EIF4A1: variants seen among roughly 807,000 people sequenced by gnomAD.
EIF4A1 encodes eukaryotic translation initiation factor 4A1.
A neutral mutation model predicts 53.5 loss-of-function variants in EIF4A1; 11 were observed. The observed-to-expected ratio is 0.21, with a 90% CI of 0.13 to 0.34. The LOEUF (loss-of-function observed/expected upper bound fraction) is 0.34. Among genes scored for constraint, EIF4A1 ranks in the 10% least tolerant of loss-of-function variants. EIF4A1 has a pLI of 1.00. For synonymous variants in EIF4A1, 237 were observed against 186.7 expected (o/e 1.27, Z -2.20); for missense variants, 213 against 530.8 (o/e 0.40, Z 5.88).
At position 7,577,033 on chromosome 17, in the gene EIF4A1, T is replaced by C. The variant is rs756863159; in HGVS notation, c.515-23T>C. ...CATTTCCCTAATCATATGCTATATA[T>C]TGGCTTTTTTTTTCTTCTCTAGCCC... On this transcript the variant is annotated intron_variant, in intron 5 of 10. Coordinates refer to ENST00000293831, the MANE Select transcript of EIF4A1 (RefSeq NM_001416.4). The surrounding 1 kb of genome is among the most constrained non-coding windows in gnomAD (Gnocchi z 4.7). The C allele has an allele frequency of 3.1e-6, 5 of 1,613,316 alleles. No homozygotes were observed. The highest frequency in any genetic ancestry group is 1.1e-5 in the South Asian group (1 of 90,994).
intron 2 of EIF4A1, 41 bp downstream of exon 2, chr17:7,574,349 A>G (rs1323381944): frequency 2.5e-6 from 4 of 1,613,482 alleles, no homozygotes; most frequent in Admixed American, 1.7e-5. Flanking sequence ...CCCCATTACA[A>G]CTTTCAGCCG....
At position 7,578,128 on chromosome 17, in the gene EIF4A1, C is replaced by G. The variant is rs367667457; in HGVS notation, c.997-37C>G. On this transcript the variant is annotated intron_variant, in intron 9 of 10. Transcript: ENST00000293831. ...TCTTCCCTCCGGGATAGAGTGTCCT[C>G]CGTGCACATGCTGAAGAGTTGTCTT... The G allele has an allele frequency of 4.3e-6, 7 of 1,613,614 alleles. No homozygotes were observed. The African/African-American group carries it at 8.0e-5, about 18-fold the overall frequency.
At chr17:7,573,222 C>G in intron 1 of EIF4A1, 1 of 432,972 alleles carries the variant, frequency 2.3e-6, no homozygotes, top group South Asian at 2.7e-5. Flanking sequence ...GCCGGCAGGT[C>G]CGGTTGCCTC....
intron 4 of EIF4A1, chr17:7,575,859 A>G: frequency 5.5e-6 from 1 of 182,812 alleles, no homozygotes; most frequent in South Asian, 1.0e-4. Context: ...GGACATGGAT[A>G]TGCATCACCT....
chr17:7,573,115 T>A (rs2071346533), intron 1 of EIF4A1: 2 of 614,136 alleles, frequency 3.3e-6, no homozygotes, highest in Non-Finnish European at 5.6e-6. Flanking sequence ...CCCGAGGCGG[T>A]GCCATGCGCG....
Position 7,577,162 on chromosome 17 carries a change from C to G in EIF4A1, c.621C>G (p.Thr207=), listed in dbSNP as rs1458801088. ...YDIFQKLNSN[T]QVVLLSATMP... ...TATTCCAAAAGCTCAACAGCAACACCCAGGTGAGGGCAGTCTTGCTTGAAT... is the reference window on the plus strand; with the variant it reads ...TATTCCAAAAGCTCAACAGCAACACGCAGGTGAGGGCAGTCTTGCTTGAAT... The change falls in exon 6 of 11, where the codon ACC becomes ACG. Residue 207 remains threonine, a synonymous_variant. Transcript: ENST00000293831. The surrounding 1 kb of genome is among the most constrained non-coding windows in gnomAD (Gnocchi z 4.7). 4.4e-6 allele frequency: 7 copies of G among 1,599,074 alleles called. No homozygotes were observed. The highest frequency in any genetic ancestry group is 1.1e-5 in the South Asian group (1 of 88,018).
At position 7,574,795 on chromosome 17, in the gene EIF4A1, C is replaced by A. The variant is rs117610271; in HGVS notation, c.205+117C>A. ...GGGACAAAGCAACTCCTTGTTCATC[C>A]CAGCTTGGCTTTTGATCCGTGCCCA... On this transcript the variant is annotated intron_variant, in intron 3 of 10. Transcript: ENST00000293831. 1.6e-3 allele frequency: 2,471 copies of A among 1,549,648 alleles called. 4 individuals carry two copies. Among genetic ancestry groups the A allele is most frequent in the Non-Finnish European group, 2.0e-3 (2,280 of 1,134,996 alleles).
rs1319579589 is a variant in EIF4A1 at position 7,577,962 on chromosome 17, G to A, written c.996+46G>A. On this transcript the variant is annotated intron_variant, in intron 9 of 10. Transcript: ENST00000293831. This position sits in a 1 kb window ranked among gnomAD's most constrained non-coding sequence, Gnocchi z 4.7. ...GCAAAGGCAGAAGGGAGGATCCAAG[G>A]TGATTCCCTCTCCAAGGGGACATCA... 1 of 1,611,456 alleles carries A rather than the reference G, an allele frequency of 6.2e-7. No homozygotes were observed. Among genetic ancestry groups the A allele is most frequent in the Non-Finnish European group, 8.5e-7 (1 of 1,177,700 alleles).
chr17:7,575,180 G>T lies in EIF4A1; in HGVS notation c.267G>T (p.Ser89=). The T allele has an allele frequency of 6.2e-7, 1 of 1,612,834 alleles. No individual in the cohort carries two copies. Among genetic ancestry groups the T allele is most frequent in the South Asian group, 1.1e-5 (1 of 91,022 alleles). The stretch of plus-strand genomic sequence containing the variant: ...GGAAAACGGCCACATTTGCCATATC[G>T]ATTCTGCAGCAGATTGAATTAGATC... ...GTGKTATFAI[S]ILQQIELDLK... Residue 89 remains serine (S), a synonymous_variant, in exon 4 of 11, where the codon TCG becomes TCT. Coordinates refer to ENST00000293831, the MANE Select transcript of EIF4A1 (RefSeq NM_001416.4).
intron 4 of EIF4A1, 185 bp downstream of exon 4, chr17:7,575,443 C>G (rs767347948): frequency 1.6e-4 from 148 of 940,078 alleles, no homozygotes; most frequent in Non-Finnish European, 2.0e-4. Flanking sequence ...CTTCCTCCAC[C>G]CATTTCCTGA....
intron 1 of EIF4A1, chr17:7,573,930 C>CT (rs1597847135): frequency 6.1e-6 from 2 of 327,562 alleles, no homozygotes; most frequent in Non-Finnish European, 5.7e-6. Flanking sequence ...CGCGCTTGGG[C>CT]TTTAAGCGGC....
chr17:7,573,480 C>T (rs1050074766), intron 1 of EIF4A1: 3 of 154,888 alleles, frequency 1.9e-5, no homozygotes, highest in Non-Finnish European at 4.3e-5. Context: ...CATTTTGCCG[C>T]ACAAGCCGGG....
In EIF4A1 at chr17:7,578,579, C is replaced by T. The variant is rs1269962446; in HGVS notation, c.*93C>T. 2.2e-6 allele frequency: 3 copies of T among 1,365,002 alleles called. No individual in the cohort carries two copies. The highest frequency in any genetic ancestry group is 2.9e-6 in the Non-Finnish European group (3 of 1,043,048). 84.6% of individuals were successfully genotyped at this position (1,365,002 alleles called of 1,614,324 possible). Reference sequence around the variant, plus strand: ...GGAGGGAAGGGAGCCAAGGGATGGACATCTTGTCATTTTTTTTCTTTGAAT... The same window carrying T: ...GGAGGGAAGGGAGCCAAGGGATGGATATCTTGTCATTTTTTTTCTTTGAAT... On this transcript the variant is annotated 3_prime_UTR_variant, in exon 11 of 11. Coordinates refer to ENST00000293831, the MANE Select transcript of EIF4A1 (RefSeq NM_001416.4).
chr17:7,574,703 CATTGTGGA>C (rs1567733465), intron 3 of EIF4A1, 25 bp downstream of exon 3: 2 of 1,611,928 alleles, frequency 1.2e-6, no homozygotes, highest in Admixed American at 1.7e-5. Context: ...TCCCAGAAGA[CATTGTGGA>C]CTGTCCCTGA....
chr17:7,575,150 G>A lies in EIF4A1; in HGVS notation c.237G>A (p.Gly79=), dbSNP rs779715716. 3 of 1,612,326 alleles carry A rather than the reference G, an allele frequency of 1.9e-6. No individual in the cohort carries two copies. Among genetic ancestry groups the A allele is most frequent in the East Asian group, 4.5e-5 (2 of 44,894 alleles). ...GYDVIAQAQS[G]TGKTATFAIS... ...ATGTGATTGCTCAAGCCCAATCTGGGACTGGGAAAACGGCCACATTTGCCA... is the reference window on the plus strand; with the variant it reads ...ATGTGATTGCTCAAGCCCAATCTGGAACTGGGAAAACGGCCACATTTGCCA... The change falls in exon 4 of 11, where the codon GGG becomes GGA. Residue 79 remains glycine, a synonymous_variant. Coordinates refer to ENST00000293831, the MANE Select transcript of EIF4A1 (RefSeq NM_001416.4).
intron 5 of EIF4A1, 64 bp downstream of exon 5, chr17:7,576,756 C>G (rs746760852): frequency 2.6e-6 from 4 of 1,559,118 alleles, no homozygotes; most frequent in Admixed American, 3.7e-5. Flanking sequence ...TCCAGTCTTT[C>G]AGCGTAAGCC....
chr17:7,575,087 T>C (rs984970176), intron 3 of EIF4A1, 32 bp from the exon 4 acceptor site: 3 of 1,610,830 alleles, frequency 1.9e-6, no homozygotes, highest in Middle Eastern at 2.3e-4. Flanking sequence ...GTATGCTCTT[T>C]ACCACATTCA....
chr17:7,576,574 C>T lies in EIF4A1; in HGVS notation c.396C>T (p.His132=), dbSNP rs11078698. Residue 132 remains histidine (H), a synonymous_variant, in exon 5 of 11, where the codon CAC becomes CAT. Transcript: ENST00000293831. The part of the protein sequence containing the change: ...ALGDYMGASC[H]ACIGGTNVRA... ...GAGACTACATGGGCGCCTCCTGTCA[C>T]GCCTGTATCGGGGGCACCAACGTGC... 0.029 allele frequency: 47,187 copies of T among 1,613,224 alleles called. 2,563 individuals are homozygous for T. Among genetic ancestry groups the T allele is most frequent in the East Asian group, 0.27 (11,965 of 44,860 alleles).
At chr17:7,572,996 T>C (rs2071344124) in intron 1 of EIF4A1, 132 bp downstream of exon 1, 2 of 1,528,142 alleles carry the variant, frequency 1.3e-6, no homozygotes, top group Non-Finnish European at 1.8e-6. Context: ...GGGTCCGACT[T>C]GGAGGGGCGA....
Sources: gnomAD v4.1 joint callset for allele counts on GRCh38, gnomAD v4.1.1 for gene constraint, Gnocchi (gnomAD v3.1) non-coding constraint, MANE v1.5 for transcripts, NCBI Gene and HGNC (gene_info 2026-07-23, HGNC 2026-07-21) for gene names.